BRD8: variants seen among roughly 807,000 people sequenced by gnomAD.
BRD8 encodes the protein bromodomain-containing protein 8.
A neutral mutation model predicts 143.1 loss-of-function variants in BRD8; 67 were observed. That is an observed-to-expected ratio of 0.47 (90% CI 0.38 to 0.57). The LOEUF is 0.57. Among genes scored for constraint, BRD8 ranks in the 20% least tolerant of loss-of-function variants. The pLI, the probability that BRD8 is intolerant of heterozygous loss-of-function variation, is 0.00. For synonymous variants in BRD8, 505 were observed against 517.1 expected (o/e 0.98, Z 0.32); for missense variants, 1,103 against 1,503.0 (o/e 0.73, Z 4.40).
chr5:138,164,502 G>A (rs1171022212), intron 12 of BRD8, 89 bp from the exon 13 acceptor site: 2 of 1,363,186 alleles, frequency 1.5e-6, no homozygotes, highest in Non-Finnish European at 2.1e-6. Context: ...TGAGACCATA[G>A]AAGAAATTCT....
intron 2 of BRD8, among the ~76,000 whole-genome samples, chr5:138,174,976 G>A (rs530368559): frequency 1.6e-4 from 24 of 146,440 alleles, no homozygotes; most frequent in Admixed American, 4.9e-4. Context: ...TGCAAGCCCC[G>A]CCTCCTGGGT....
At chr5:138,167,221 T>C (rs1207100818) in intron 9 of BRD8, among the ~76,000 whole-genome samples, 1 of 151,378 alleles carries the variant, frequency 6.6e-6, no homozygotes, top group African/African-American at 2.4e-5. Flanking sequence ...TGAGCCAAGA[T>C]TGTGCCACCA....
At position 138,161,020 on chromosome 5, in the gene BRD8, G is replaced by A. The variant is rs764990639; in HGVS notation, c.2298C>T (p.Ile766=). The part of the protein sequence containing the change: ...TIKKNIENGL[I]RSTAEFQRDI... ...CACGCTGAAATTCAGCTGTGCTTCGGATCAGTCCATTTTCTATGTTTTTCT... is the reference window on the plus strand; with the variant it reads ...CACGCTGAAATTCAGCTGTGCTTCGAATCAGTCCATTTTCTATGTTTTTCT... The change falls in exon 18 of 27, where the codon ATC becomes ATT. Residue 766 remains isoleucine, a synonymous_variant. Coordinates refer to ENST00000254900, the MANE Select transcript of BRD8 (RefSeq NM_139199.2). 6.2e-7 allele frequency: 1 copy of A among 1,613,604 alleles called. No individual in the cohort carries two copies. The highest frequency in any genetic ancestry group is 1.3e-5 in the African/African-American group (1 of 74,840).
chr5:138,142,530 C>T (rs576145467), intron 25 of BRD8, among the ~76,000 whole-genome samples: 2 of 150,362 alleles, frequency 1.3e-5, no homozygotes, highest in East Asian at 2.0e-4. Flanking sequence ...TTTGGGAGGC[C>T]GAGGCAGGCG....
intron 23 of BRD8, among the ~76,000 whole-genome samples, chr5:138,146,591 A>G (rs1752158996): frequency 6.6e-6 from 1 of 152,134 alleles, no homozygotes; most frequent in Non-Finnish European, 1.5e-5. Context: ...ACTGCTTTCT[A>G]ATAAAGATTT....
chr5:138,161,218 A>G, intron 17 of BRD8, 150 bp from the exon 18 acceptor site: 1 of 563,322 alleles, frequency 1.8e-6, no homozygotes, highest in Non-Finnish European at 3.0e-6. Flanking sequence ...CAAAACATGC[A>G]CTTAACCCAA....
intron 20 of BRD8, among the ~76,000 whole-genome samples, chr5:138,154,880 A>G: frequency 7.2e-6 from 1 of 138,138 alleles, no homozygotes; most frequent in African/African-American, 2.8e-5. Context: ...GCCAGGTTGG[A>G]GTGCAGTGGC....
rs919434850 is a variant in BRD8 at position 138,145,363 on chromosome 5, A to T, written c.3369-118T>A. ...GGGAATGCAGACTGTCAGCACCATTAGGAAAAAATCTATTTGTTCCCTCTT... is the reference window on the plus strand; with the variant it reads ...GGGAATGCAGACTGTCAGCACCATTTGGAAAAAATCTATTTGTTCCCTCTT... On this transcript the variant is annotated intron_variant, in intron 24 of 26. Coordinates refer to ENST00000254900, the MANE Select transcript of BRD8 (RefSeq NM_139199.2). 3 of 798,538 alleles carry T rather than the reference A, an allele frequency of 3.8e-6. No individual in the cohort carries two copies. The East Asian group carries it at 7.7e-5, about 20-fold the overall frequency. The allele number at this position is 798,538 out of a possible 1,614,324, so 49.5% of individuals were successfully genotyped here.
At position 138,169,321 on chromosome 5, in the gene BRD8, G is replaced by A; in HGVS notation, c.543C>T (p.Pro181=). 1 of 1,614,142 alleles carries A rather than the reference G, an allele frequency of 6.2e-7. No individual in the cohort carries two copies. The highest frequency in any genetic ancestry group is 8.5e-7 in the Non-Finnish European group (1 of 1,180,000). Residue 181 remains proline (P), a synonymous_variant, in exon 8 of 27, where the codon CCC becomes CCT. Transcript: ENST00000254900. The part of the protein sequence containing the change: ...QAVKTPPRRL[P]TVMVRSPIDS... ...CTATAGGAGAGCGAACCATCACAGT[G>A]GGTAACCTCCGGGGGGGTGTTTTTA...
Position 138,167,364 on chromosome 5 carries a change from G to A in BRD8, c.787+570C>T, listed in dbSNP as rs74625998. ...AAAAACTGGTATGAATAAATCTGTC[G>A]CTTCTGCTGAAGTTCAGCATATTGT... On this transcript the variant is annotated intron_variant, in intron 9 of 26. Coordinates refer to ENST00000254900, the MANE Select transcript of BRD8 (RefSeq NM_139199.2). Among the ~76,000 whole-genome samples the A allele has an allele frequency of 9.9e-5, 15 of 152,166 alleles. No individual in the cohort carries two copies. The East Asian group carries it at 1.5e-3, about 16-fold the overall frequency.
chr5:138,144,815 T>C (rs1392859599), intron 25 of BRD8, among the ~76,000 whole-genome samples: 1 of 144,362 alleles, frequency 6.9e-6, no homozygotes, highest in Non-Finnish European at 1.5e-5. Context: ...GGCTGGAGAA[T>C]AGCTGAGCCT....
At chr5:138,149,316 C>T (rs1752287731) in intron 23 of BRD8, among the ~76,000 whole-genome samples, 1 of 151,710 alleles carries the variant, frequency 6.6e-6, no homozygotes, top group Non-Finnish European at 1.5e-5. Flanking sequence ...GCATGGTCTC[C>T]CTATGTTGCC....
intron 20 of BRD8, among the ~76,000 whole-genome samples, chr5:138,154,130 G>T (rs767562685): frequency 2.6e-5 from 4 of 152,066 alleles, no homozygotes; most frequent in Non-Finnish European, 4.4e-5. Context: ...CTCCTAGTCA[G>T]CTTTTCTATC....
chr5:138,162,169 C>T, intron 15 of BRD8, 23 bp from the exon 16 acceptor site: 1 of 1,517,608 alleles, frequency 6.6e-7, no homozygotes, highest in African/African-American at 1.4e-5. Flanking sequence ...TACAGCAATT[C>T]CACTAGGCAC....
At position 138,171,326 on chromosome 5, in the gene BRD8, A is replaced by C. The variant is rs1461320167; in HGVS notation, c.236+35T>G. On this transcript the variant is annotated intron_variant, in intron 4 of 26. Transcript: ENST00000254900. ...TTCCTCAGTAAATACTCTCCACTAA[A>C]GAAATATGGCTGAAGTACCTGGCTT... is the stretch of plus-strand genomic sequence containing the variant. The C allele has an allele frequency of 4.4e-6, 7 of 1,574,704 alleles. No individual in the cohort carries two copies. The East Asian group carries it at 1.6e-4, about 35-fold the overall frequency.
chr5:138,172,070 G>C lies in BRD8; in HGVS notation c.181C>G (p.Gln61Glu). 6.2e-7 allele frequency: 1 copy of C among 1,613,402 alleles called. No homozygotes were observed. Among genetic ancestry groups the C allele is most frequent in the Non-Finnish European group, 8.5e-7 (1 of 1,179,628 alleles). Residue 61 changes from glutamine (Q) to glutamate (E), a missense_variant, in exon 3 of 27, where the codon CAA becomes GAA. Physicochemically the swap from Gln to Glu is conservative, Grantham distance 29. This residue lies in a region of BRD8 where 69 missense variants were observed against 121.6 expected (regional missense o/e 0.57). Transcript: ENST00000254900. ...GCCCTTGCTTGGGAACTTACTTTTT[G>C]AGAGAACCAGTCTGGAGGGCGGCCA... The part of the protein sequence containing the change: ...EPGRPPDWFS[Q>E]KHCASQYSEL...
chr5:138,175,284 AAAAC>A (rs1307103296), intron 2 of BRD8, among the ~76,000 whole-genome samples: 18 of 152,308 alleles, frequency 1.2e-4, no homozygotes, highest in South Asian at 4.1e-4. Context: ...TTAGATTTAA[AAAAC>A]AAACAAAAAA....
At position 138,164,928 on chromosome 5, in the gene BRD8, G is replaced by A; in HGVS notation, c.1517C>T (p.Ala506Val). 1 of 1,614,112 alleles carries A rather than the reference G, an allele frequency of 6.2e-7. No individual in the cohort carries two copies. Among genetic ancestry groups the A allele is most frequent in the Non-Finnish European group, 8.5e-7 (1 of 1,180,022 alleles). ...HELVDIREPS[A>V]EIKVEPAEPE... ...TTCTGCAGGTTCCACCTTGATCTCT[G>A]CACTGGGCTCCCTGATGTCCACCAG... The change falls in exon 12 of 27, where the codon GCA becomes GTA. Residue 506 changes from alanine to valine, a missense_variant. By Grantham distance (64) the Ala-to-Val change is moderately conservative. Around this residue, in one of 7 missense-constraint regions of BRD8, gnomAD observed 139 missense variants for 139.0 expected, o/e 1.00. Coordinates refer to ENST00000254900, the MANE Select transcript of BRD8 (RefSeq NM_139199.2).
At chr5:138,169,570 T>C (rs1753706692) in intron 7 of BRD8, among the ~76,000 whole-genome samples, 1 of 152,240 alleles carries the variant, frequency 6.6e-6, no homozygotes, top group South Asian at 2.1e-4. Context: ...AAGAAACTCC[T>C]TTAACAATCT....
Sources: gnomAD v4.1 joint callset for allele counts (sites outside exome capture counted in the v4.1 genomes callset) on GRCh38, gnomAD v4.1.1 for gene constraint, gnomAD v4.1.1 regional missense constraint, MANE v1.5 for transcripts, NCBI Gene and HGNC (gene_info 2026-07-23, HGNC 2026-07-21) for gene names.